ANO2: variants seen among roughly 807,000 people sequenced by gnomAD.
ANO2 encodes anoctamin 2.
Under a neutral mutation model 124.2 loss-of-function variants are expected in ANO2, and 101 were observed. The observed-to-expected ratio is 0.81, with a 90% CI of 0.69 to 0.96. The LOEUF (loss-of-function observed/expected upper bound fraction) is 0.96, where lower values mean the gene tolerates loss of function less well. Among genes scored for constraint, ANO2 ranks in the 40% least tolerant of loss-of-function variants. The pLI is 0.00. For missense variants in ANO2, 1,293 were observed against 1,274.5 expected, an observed-to-expected ratio of 1.01 and a Z score of -0.22; for synonymous variants, 486 against 482.5, an observed-to-expected ratio of 1.01 and a Z score of -0.09.
chr12:5,920,953 G>A, intron 3 of ANO2, 87 bp downstream of exon 3: 1 of 1,380,758 alleles, frequency 7.2e-7, no homozygotes, highest in Non-Finnish European at 9.9e-7. Flanking sequence ...TAAAGCCTAG[G>A]CTCTCTGTCA....
chr12:5,834,005 C>T (rs1954238149), intron 4 of ANO2, among the ~76,000 whole-genome samples: 1 of 152,064 alleles, frequency 6.6e-6, no homozygotes, highest in Non-Finnish European at 1.5e-5. Context: ...GGGAAAGGCA[C>T]TCAGCTGAGC....
chr12:5,722,721 T>C (rs1950281266), intron 14 of ANO2, among the ~76,000 whole-genome samples: 1 of 152,110 alleles, frequency 6.6e-6, no homozygotes, highest in East Asian at 1.9e-4. Context: ...ATGACTTTCG[T>C]ATGTGTGTGT....
intron 16 of ANO2, among the ~76,000 whole-genome samples, chr12:5,625,538 C>A (rs555145382): frequency 6.6e-6 from 1 of 152,080 alleles, no homozygotes; most frequent in Non-Finnish European, 1.5e-5. Context: ...AAATTAAGTT[C>A]TCAAAGTTGG....
chr12:5,688,862 C>T (rs1350963694), intron 14 of ANO2, among the ~76,000 whole-genome samples: 1 of 137,584 alleles, frequency 7.3e-6, no homozygotes, highest in Non-Finnish European at 1.5e-5. Context: ...AAGGAAGACT[C>T]TATGTCTCCT....
At chr12:5,888,385 T>C (rs561109634) in intron 3 of ANO2, among the ~76,000 whole-genome samples, 28 of 152,128 alleles carry the variant, frequency 1.8e-4, no homozygotes, top group Middle Eastern at 3.4e-3. Context: ...CCTTCCACAG[T>C]GTGGAAGGGG....
At chr12:5,853,998 T>C in intron 4 of ANO2, 45 bp downstream of exon 4, 2 of 1,535,674 alleles carry the variant, frequency 1.3e-6, no homozygotes, top group Non-Finnish European at 1.8e-6. Flanking sequence ...TTTGCATCCA[T>C]CCAGCCCTCA....
At chr12:5,868,390 ATCTC>A (rs1955488014) in intron 3 of ANO2, among the ~76,000 whole-genome samples, 1 of 152,106 alleles carries the variant, frequency 6.6e-6, no homozygotes, top group African/African-American at 2.4e-5. Flanking sequence ...ATGTAACATG[ATCTC>A]TCTGAGTCTC....
rs115901193 is a variant in ANO2, at chr12:5,723,144, C to T, written c.1545+9376G>A. ...TTTCTCATTTCCCAAGGCAGCAATT[C>T]TCCGGAGGTGGTAGTCAATCAGAAT... On this transcript the variant is annotated intron_variant, in intron 14 of 24. Transcript: ENST00000682330. 7.2e-3 allele frequency among the ~76,000 whole-genome samples: 1,099 copies of T among 152,254 alleles called. 10 individuals are homozygous for T. Among genetic ancestry groups the T allele is most frequent in the African/African-American group, 0.025 (1,054 of 41,528 alleles).
chr12:5,812,371 A>AAAAG (rs368397839), intron 7 of ANO2, among the ~76,000 whole-genome samples: 3,825 of 71,208 alleles, frequency 0.054, 164 homozygotes, highest in African/African-American at 0.12. Context: ...GAGAGAAAGA[A>AAAAG]AAAGAAAGAA....
chr12:5,579,334 T>C (rs1942604744), intron 20 of ANO2, among the ~76,000 whole-genome samples: 1 of 152,158 alleles, frequency 6.6e-6, no homozygotes, highest in South Asian at 2.1e-4. Flanking sequence ...AAGGCCCAAA[T>C]GGAGAGGAAC....
chr12:5,746,188 C>G (rs1951261169), intron 11 of ANO2, among the ~76,000 whole-genome samples: 1 of 152,122 alleles, frequency 6.6e-6, no homozygotes, highest in African/African-American at 2.4e-5. Context: ...GCTAAAAGGT[C>G]AGGAATGAAA....
rs1011062481 is a variant in ANO2 at position 5,562,720 on chromosome 12, C to T, written c.*579G>A. The T allele has an allele frequency of 6.6e-6, 1 of 152,488 alleles. No homozygotes were observed. Among genetic ancestry groups the T allele is most frequent in the African/African-American group, 2.4e-5 (1 of 41,442 alleles). The allele number at this position is 152,488 out of a possible 1,614,324, so 9.4% of individuals were successfully genotyped here. A position where few individuals can be genotyped will look rare whatever the true frequency, so the allele number is the denominator to read the frequency against. On this transcript the variant is annotated 3_prime_UTR_variant, in exon 25 of 25. Coordinates refer to ENST00000682330, the MANE Select transcript of ANO2 (RefSeq NM_001364791.2). The stretch of plus-strand genomic sequence containing the variant: ...TGAACTTTCATAAAATGATGGTTAT[C>T]TGCATTTAGCTCCAAACGTTTTTGT...
intron 3 of ANO2, among the ~76,000 whole-genome samples, chr12:5,893,782 T>C (rs1939578358): frequency 6.6e-6 from 1 of 152,132 alleles, no homozygotes; most frequent in Admixed American, 6.5e-5. Context: ...AGAATGATGG[T>C]TTCAAACTTC....
At chr12:5,941,200 G>A (rs757669671) in intron 1 of ANO2, among the ~76,000 whole-genome samples, 20 of 152,186 alleles carry the variant, frequency 1.3e-4, no homozygotes, top group Admixed American at 7.2e-4. Context: ...ACAACTCTGT[G>A]AATATACCAA....
chr12:5,855,884 TA>T (rs1232180712), intron 3 of ANO2, among the ~76,000 whole-genome samples: 4 of 152,212 alleles, frequency 2.6e-5, no homozygotes, highest in Non-Finnish European at 5.9e-5. Flanking sequence ...GTGTTTAGGC[TA>T]AAATCAAATC....
At chr12:5,605,564 C>T (rs1430529391) in intron 19 of ANO2, among the ~76,000 whole-genome samples, 1 of 152,128 alleles carries the variant, frequency 6.6e-6, no homozygotes, top group Non-Finnish European at 1.5e-5. Flanking sequence ...GGCATTTACC[C>T]TTTCACCAAA....
At chr12:5,695,494 G>T (rs116857497) in intron 14 of ANO2, among the ~76,000 whole-genome samples, 1 of 152,046 alleles carries the variant, frequency 6.6e-6, no homozygotes, top group Non-Finnish European at 1.5e-5. Context: ...AAATAGCCAG[G>T]ATACAAACCT....
intron 20 of ANO2, among the ~76,000 whole-genome samples, chr12:5,592,286 C>A (rs546197213): frequency 6.6e-6 from 1 of 152,178 alleles, no homozygotes; most frequent in African/African-American, 2.4e-5. Flanking sequence ...AGACATTGTC[C>A]CTGTCCCCAA....
At chr12:5,682,365 G>A (rs78293895) in intron 14 of ANO2, among the ~76,000 whole-genome samples, 1 of 147,642 alleles carries the variant, frequency 6.8e-6, no homozygotes, top group Non-Finnish European at 1.5e-5. Flanking sequence ...CTCTCTGTCT[G>A]TCTCTCTCTC....
Sources: allele counts gnomAD v4.1 joint callset (sites outside exome capture counted in the v4.1 genomes callset), GRCh38; gene constraint gnomAD v4.1.1; transcripts MANE v1.5; gene names NCBI Gene and HGNC (gene_info 2026-07-23, HGNC 2026-07-21).